PCLO: variants seen among roughly 807,000 people sequenced by gnomAD.
PCLO encodes the protein piccolo presynaptic cytomatrix protein.
A neutral mutation model predicts 427.5 loss-of-function variants in PCLO; 82 were observed. The ratio of observed to expected loss-of-function variants is 0.19; its 90% CI spans 0.16 to 0.23. The LOEUF (loss-of-function observed/expected upper bound fraction) is 0.23, where lower values mean the gene tolerates loss of function less well. PCLO is among the 10% of genes least tolerant of loss of function. The probability of loss-of-function intolerance (pLI) is 1.00; values close to 1 mark genes in which losing one functional copy is unlikely to be tolerated. For synonymous variants in PCLO, 2,357 were observed against 2,155.4 expected (o/e 1.09, Z -2.59); for missense variants, 6,239 against 6,115.9 (o/e 1.02, Z -0.67).
At chr7:83,122,791 T>A (rs2116568373) in intron 3 of PCLO, among the ~76,000 whole-genome samples, 1 of 152,340 alleles carries the variant, frequency 6.6e-6, no homozygotes, top group Admixed American at 6.5e-5. Flanking sequence ...TCAGTAAATT[T>A]GTAGAATACA....
chr7:82,817,224 A>C (rs1003223976), intron 20 of PCLO, among the ~76,000 whole-genome samples: 3 of 152,098 alleles, frequency 2.0e-5, no homozygotes, highest in Non-Finnish European at 4.4e-5. Flanking sequence ...TTTTCTTTTT[A>C]TTTTAAACTG....
At chr7:82,806,844 C>T (rs957381557) in intron 20 of PCLO, among the ~76,000 whole-genome samples, 3 of 152,192 alleles carry the variant, frequency 2.0e-5, no homozygotes, top group African/African-American at 7.2e-5. Flanking sequence ...TCTTCTTCCT[C>T]TTGTGATATT....
At chr7:82,942,254 G>C (rs1795103801) in intron 6 of PCLO, among the ~76,000 whole-genome samples, 1 of 152,126 alleles carries the variant, frequency 6.6e-6, no homozygotes, top group Admixed American at 6.6e-5. Flanking sequence ...ATAGTGCTGT[G>C]GTTTTAAACT....
At chr7:83,138,275 G>A (rs774292090) in intron 2 of PCLO, among the ~76,000 whole-genome samples, 13 of 152,080 alleles carry the variant, frequency 8.5e-5, no homozygotes, top group Non-Finnish European at 1.8e-4. Context: ...TTTTTAACAA[G>A]CGTCATAACC....
At chr7:82,821,764 A>G in intron 20 of PCLO, 1 of 983,212 alleles carries the variant, frequency 1.0e-6, no homozygotes, top group Non-Finnish European at 1.2e-6. Flanking sequence ...GTGTGATCCA[A>G]CAGAATGGAC....
At chr7:83,042,658 C>T (rs771457216) in intron 3 of PCLO, among the ~76,000 whole-genome samples, 12 of 151,938 alleles carry the variant, frequency 7.9e-5, no homozygotes, top group Admixed American at 2.0e-4. Context: ...GTCAGGAGTT[C>T]GACACCAGCC....
At chr7:82,887,616 T>A (rs17282616) in intron 9 of PCLO, among the ~76,000 whole-genome samples, 1 of 151,972 alleles carries the variant, frequency 6.6e-6, no homozygotes, top group Non-Finnish European at 1.5e-5. Context: ...AACCAAGCAA[T>A]CTGTCAGGAG....
At chr7:83,151,173 A>G (rs529354137) in intron 2 of PCLO, among the ~76,000 whole-genome samples, 1 of 152,278 alleles carries the variant, frequency 6.6e-6, no homozygotes, top group South Asian at 2.1e-4. Context: ...TCAGAATTAG[A>G]CCTTTTGATT....
intron 20 of PCLO, among the ~76,000 whole-genome samples, chr7:82,806,724 T>C (rs1482969736): frequency 6.6e-6 from 1 of 152,188 alleles, no homozygotes; most frequent in Non-Finnish European, 1.5e-5. Flanking sequence ...AACCCACTCT[T>C]TAGCAACTGT....
intron 3 of PCLO, among the ~76,000 whole-genome samples, chr7:83,036,641 C>T (rs1788803586): frequency 6.6e-6 from 1 of 152,010 alleles, no homozygotes; most frequent in Non-Finnish European, 1.5e-5. Context: ...CTCCCAAAGG[C>T]TCCAGTACAT....
At chr7:82,870,626 G>A (rs1194861333) in intron 10 of PCLO, among the ~76,000 whole-genome samples, 1 of 151,856 alleles carries the variant, frequency 6.6e-6, no homozygotes, top group Non-Finnish European at 1.5e-5. Context: ...CATGGCAAAG[G>A]AAACAATCAA....
Position 82,793,980 on chromosome 7 carries a change from T to A in PCLO, c.15007+7538A>T, listed in dbSNP as rs796495750. On this transcript the variant is annotated intron_variant, in intron 22 of 24. Transcript: ENST00000333891. ...CATTTCCTTTTACCCTTACACTTGATGGATAGTTTGTGTTAGATTTTTAGT... is the reference window on the plus strand; with the variant it reads ...CATTTCCTTTTACCCTTACACTTGAAGGATAGTTTGTGTTAGATTTTTAGT... Among the ~76,000 whole-genome samples, 11 of 152,358 alleles carry A rather than the reference T, an allele frequency of 7.2e-5. No individual in the cohort carries two copies. In the South Asian group the frequency reaches 1.9e-3, roughly 26 times the overall value.
At chr7:82,888,898 C>T (rs929424348) in intron 9 of PCLO, among the ~76,000 whole-genome samples, 3 of 152,128 alleles carry the variant, frequency 2.0e-5, no homozygotes, top group African/African-American at 7.2e-5. Context: ...ATATTAGATG[C>T]TGCGTAATTT....
chr7:83,117,621 C>T (rs997755956), intron 3 of PCLO, among the ~76,000 whole-genome samples: 10 of 152,164 alleles, frequency 6.6e-5, no homozygotes, highest in Admixed American at 3.3e-4. Context: ...GTGTTCTTCA[C>T]CTGTGACTCA....
Position 82,826,714 on chromosome 7 carries a change from C to T in PCLO, c.14344-54G>A, listed in dbSNP as rs1269689547. 9 of 1,085,222 alleles carry T rather than the reference C, an allele frequency of 8.3e-6. No individual in the cohort carries two copies. In the East Asian group the frequency reaches 2.0e-4, roughly 24 times the overall value. 67.2% of individuals were successfully genotyped at this position (1,085,222 alleles called of 1,614,324 possible). A position where few individuals can be genotyped will look rare whatever the true frequency, so the allele number is the denominator to read the frequency against. ...AACCTATCTTTCCATCATACATTTT[C>T]ATTACACACATACAGTAGACATATT... On this transcript the variant is annotated intron_variant, in intron 17 of 24. Transcript: ENST00000333891.
At chr7:82,829,611 T>C (rs1245608756) in intron 16 of PCLO, among the ~76,000 whole-genome samples, 1 of 152,122 alleles carries the variant, frequency 6.6e-6, no homozygotes, top group Non-Finnish European at 1.5e-5. Flanking sequence ...CAGACAATGA[T>C]TTAAAGAAAG....
chr7:82,791,983 AAG>A (rs1791111029), intron 22 of PCLO, among the ~76,000 whole-genome samples: 1 of 152,074 alleles, frequency 6.6e-6, no homozygotes, highest in Admixed American at 6.5e-5. Flanking sequence ...GAACTGGAAA[AAG>A]AAGTTAAAAG....
intron 22 of PCLO, among the ~76,000 whole-genome samples, chr7:82,794,524 T>G (rs2129468490): frequency 7.4e-6 from 1 of 134,876 alleles, no homozygotes; most frequent in East Asian, 2.4e-4. Context: ...CAGGCTAGAG[T>G]GCAGTGGCAC....
At chr7:82,863,805 A>G (rs1322337883) in intron 10 of PCLO, among the ~76,000 whole-genome samples, 1 of 152,092 alleles carries the variant, frequency 6.6e-6, no homozygotes, top group African/African-American at 2.4e-5. Flanking sequence ...GAGGGTTTTC[A>G]TATGTATACC....
Sources: allele counts gnomAD v4.1 joint callset (sites outside exome capture counted in the v4.1 genomes callset), GRCh38; gene constraint gnomAD v4.1.1; transcripts MANE v1.5; gene names NCBI Gene and HGNC (gene_info 2026-07-23, HGNC 2026-07-21).